Variants in CORIN observed in about 807,000 individuals in gnomAD.
CORIN encodes the protein atrial natriuretic peptide-converting enzyme.
CORIN carries 117 observed loss-of-function variants against 125.3 expected under a neutral mutation model. The ratio of observed to expected loss-of-function variants is 0.93; its 90% CI spans 0.80 to 1.09. The LOEUF is 1.09. Among genes scored for constraint, CORIN ranks in the 50% least tolerant of loss-of-function variants. CORIN has a pLI of 0.00. For missense variants in CORIN, 1,253 were observed against 1,306.7 expected (o/e 0.96, Z 0.63); for synonymous variants, 450 against 466.4 (o/e 0.96, Z 0.45).
chr4:47,623,569 A>AC lies in CORIN; in HGVS notation c.2540+1dup, dbSNP rs766007832. 2.6e-5 allele frequency: 42 copies of AC among 1,613,594 alleles called. No homozygotes were observed. The highest frequency in any genetic ancestry group is 2.4e-4 in the African/African-American group (18 of 74,880). The stretch of plus-strand genomic sequence containing the variant: ...AAGGAAAAAAGGAAAGGTGCAGCTT[A>AC]CCCCTCGAAGCAGTGGGCAACTGTC... On this transcript the variant is annotated splice_donor_variant, in intron 19 of 21. Coordinates refer to ENST00000273857, the MANE Select transcript of CORIN (RefSeq NM_006587.4). LOFTEE classifies it high-confidence loss of function.
chr4:47,824,039 A>T (rs1577954523), intron 1 of CORIN, among the ~76,000 whole-genome samples: 1 of 151,828 alleles, frequency 6.6e-6, no homozygotes, highest in Non-Finnish European at 1.5e-5. Context: ...ACCATTCAGG[A>T]CTCAGTTGTT....
At position 47,677,931 on chromosome 4, in the gene CORIN, C is replaced by T. The variant is rs754056159; in HGVS notation, c.1249+7G>A. On this transcript the variant is annotated splice_region_variant and intron_variant, in intron 9 of 21. Transcript: ENST00000273857. ...AGGAATGTTCTGGGGTGGTGGGACA[C>T]ACTTACTGACGCTGCAGTTCTCCTC... The T allele has an allele frequency of 1.9e-6, 3 of 1,593,132 alleles. No homozygotes were observed. The East Asian group carries it at 6.7e-5, about 36-fold the overall frequency.
chr4:47,749,482 T>C (rs1728807722), intron 4 of CORIN, among the ~76,000 whole-genome samples: 1 of 152,186 alleles, frequency 6.6e-6, no homozygotes, highest in Non-Finnish European at 1.5e-5. Flanking sequence ...TCACATGAGC[T>C]TGGAAGTTGA....
intron 19 of CORIN, among the ~76,000 whole-genome samples, chr4:47,604,743 A>G (rs775062544): frequency 1.1e-4 from 16 of 152,320 alleles, no homozygotes; most frequent in Non-Finnish European, 2.4e-4. Context: ...TACATGGACC[A>G]TGCAATGGCC....
chr4:47,625,576 T>C (rs2351786), intron 17 of CORIN, among the ~76,000 whole-genome samples: 95,663 of 151,954 alleles, frequency 0.63, 31,183 homozygotes, highest in African/African-American at 0.79. Context: ...AGAGTTTGTT[T>C]TATGAGGAAA....
chr4:47,733,053 G>A (rs1727959310), intron 5 of CORIN, among the ~76,000 whole-genome samples: 2 of 152,106 alleles, frequency 1.3e-5, no homozygotes, highest in Admixed American at 6.5e-5. Flanking sequence ...GCCTTCTCCA[G>A]TTCCTGGTAA....
intron 5 of CORIN, among the ~76,000 whole-genome samples, chr4:47,719,963 C>T (rs888110337): frequency 1.3e-5 from 2 of 152,134 alleles, no homozygotes; most frequent in African/African-American, 2.4e-5. Flanking sequence ...TCATTTAAAA[C>T]GTTTTTATTT....
At chr4:47,722,571 T>C (rs917086722) in intron 5 of CORIN, among the ~76,000 whole-genome samples, 10 of 152,330 alleles carry the variant, frequency 6.6e-5, no homozygotes, top group South Asian at 4.1e-4. Context: ...TCAGAGAAGA[T>C]ATTGTTCCTG....
chr4:47,802,152 G>A (rs1731571300), intron 2 of CORIN, among the ~76,000 whole-genome samples: 1 of 152,234 alleles, frequency 6.6e-6, no homozygotes, highest in African/African-American at 2.4e-5. Context: ...GCTCTGAGAT[G>A]TGCTGGCTTC....
At chr4:47,782,973 T>C (rs145505320) in intron 3 of CORIN, among the ~76,000 whole-genome samples, 9 of 151,950 alleles carry the variant, frequency 5.9e-5, no homozygotes, top group African/African-American at 1.9e-4. Flanking sequence ...ATAGTGGTGA[T>C]GGTCTGAAAT....
rs1280399515 is a variant in CORIN at position 47,660,857 on chromosome 4, T to C, written c.1735+854A>G. On this transcript the variant is annotated intron_variant, in intron 12 of 21. Coordinates refer to ENST00000273857, the MANE Select transcript of CORIN (RefSeq NM_006587.4). The stretch of plus-strand genomic sequence containing the variant: ...ACCTAAAAGAAAGGAAACCAGTATA[T>C]AGAAGAGATATCTGCACTCCCATGC... Among the ~76,000 whole-genome samples, 7 of 152,234 alleles carry C rather than the reference T, an allele frequency of 4.6e-5. No homozygotes were observed. In the East Asian group the frequency reaches 1.3e-3, roughly 29 times the overall value.
At chr4:47,773,002 C>A (rs930692539) in intron 3 of CORIN, among the ~76,000 whole-genome samples, 2 of 151,960 alleles carry the variant, frequency 1.3e-5, no homozygotes, top group Non-Finnish European at 2.9e-5. Flanking sequence ...TACAATAAAA[C>A]AATGCTGGGA....
At chr4:47,819,878 T>C (rs1445367285) in intron 1 of CORIN, among the ~76,000 whole-genome samples, 1 of 152,162 alleles carries the variant, frequency 6.6e-6, no homozygotes, top group Non-Finnish European at 1.5e-5. Context: ...TTTAGCCAGT[T>C]CTAAGAGGTT....
chr4:47,804,992 C>T (rs915199202), intron 2 of CORIN, among the ~76,000 whole-genome samples: 11 of 150,976 alleles, frequency 7.3e-5, no homozygotes, highest in African/African-American at 2.4e-4. Flanking sequence ...AAAGAATAGC[C>T]GGGCGTGGTG....
intron 2 of CORIN, among the ~76,000 whole-genome samples, chr4:47,789,912 C>T (rs1032757188): frequency 1.3e-5 from 2 of 152,010 alleles, no homozygotes. Flanking sequence ...GTCCCAGCTA[C>T]TCGGGAGGCT....
chr4:47,806,377 T>C (rs1731796383), intron 2 of CORIN, among the ~76,000 whole-genome samples: 2 of 152,246 alleles, frequency 1.3e-5, no homozygotes, highest in African/African-American at 4.8e-5. Context: ...TCTAAATCTA[T>C]GTTCATCTTT....
At chr4:47,643,099 T>TG in intron 15 of CORIN, 47 bp downstream of exon 15, 1 of 1,613,836 alleles carries the variant, frequency 6.2e-7, no homozygotes, top group Non-Finnish European at 8.5e-7. Context: ...CTTCAGTGGC[T>TG]GACAGGCATG....
At chr4:47,791,336 T>C (rs1403223902) in intron 2 of CORIN, among the ~76,000 whole-genome samples, 1 of 152,108 alleles carries the variant, frequency 6.6e-6, no homozygotes, top group African/African-American at 2.4e-5. Context: ...AGCAAGAGAA[T>C]AGATTGTCCC....
intron 1 of CORIN, among the ~76,000 whole-genome samples, chr4:47,817,421 T>G (rs1267955004): frequency 6.6e-6 from 1 of 152,148 alleles, no homozygotes; most frequent in Non-Finnish European, 1.5e-5. Flanking sequence ...TGGCACAGCA[T>G]GAGGCTTTAA....
Sources: gnomAD v4.1 joint callset for allele counts (sites outside exome capture counted in the v4.1 genomes callset) on GRCh38, gnomAD v4.1.1 for gene constraint, MANE v1.5 for transcripts, NCBI Gene and HGNC (gene_info 2026-07-23, HGNC 2026-07-21) for gene names.